Variants in FGF10 observed in about 807,000 individuals in gnomAD.
FGF10 encodes the protein fibroblast growth factor 10, also known as FGF-10.
Under a neutral mutation model 19.8 loss-of-function variants are expected in FGF10, and 2 were observed. The observed-to-expected ratio is 0.10, with a 90% CI of 0.04 to 0.32. The LOEUF (loss-of-function observed/expected upper bound fraction) is 0.32. Among genes scored for constraint, FGF10 ranks in the 10% least tolerant of loss-of-function variants. The pLI is 1.00. For synonymous variants in FGF10, 112 were observed against 94.0 expected (o/e 1.19, Z -1.10); for missense variants, 191 against 246.3 (o/e 0.78, Z 1.50).
chr5:44,318,722 C>T (rs1740413603), intron 1 of FGF10, among the ~76,000 whole-genome samples: 2 of 152,110 alleles, frequency 1.3e-5, no homozygotes, highest in African/African-American at 4.8e-5. Flanking sequence ...CAACTTACTA[C>T]CTAGATTAGA....
rs1739986942 is a variant in FGF10 at position 44,302,383 on chromosome 5, T to G, written c.*2612A>C. Among the ~76,000 whole-genome samples, 1 of 151,288 alleles carries G rather than the reference T, an allele frequency of 6.6e-6. No individual in the cohort carries two copies. The highest frequency in any genetic ancestry group is 2.1e-4 in the South Asian group (1 of 4,788). On this transcript the variant is annotated 3_prime_UTR_variant, in exon 3 of 3. Transcript: ENST00000264664. ...TTTCTCTTTTCTCTCTTTCCTTTCT[T>G]TCTGGCTCTTTTTCACCCAGGCTGG...
At chr5:44,319,433 T>C (rs950782651) in intron 1 of FGF10, among the ~76,000 whole-genome samples, 12 of 152,180 alleles carry the variant, frequency 7.9e-5, no homozygotes, top group African/African-American at 2.9e-4. Flanking sequence ...AATGGGTCAG[T>C]AGAGCACATC....
intron 1 of FGF10, among the ~76,000 whole-genome samples, chr5:44,323,580 TG>T (rs1463105612): frequency 6.6e-6 from 1 of 152,176 alleles, no homozygotes; most frequent in Non-Finnish European, 1.5e-5. Flanking sequence ...TATGCATTAT[TG>T]TTTTTTGTAA....
At chr5:44,316,528 C>A (rs1472418569) in intron 1 of FGF10, among the ~76,000 whole-genome samples, 1 of 152,050 alleles carries the variant, frequency 6.6e-6, no homozygotes, top group African/African-American at 2.4e-5. Flanking sequence ...GGCATATTTC[C>A]AAACAGTGCT....
intron 1 of FGF10, among the ~76,000 whole-genome samples, chr5:44,342,780 T>C (rs951538665): frequency 1.3e-5 from 2 of 151,980 alleles, no homozygotes; most frequent in African/African-American, 2.4e-5. Flanking sequence ...GTCTCCAAAT[T>C]TGGGGATGTC....
intron 1 of FGF10, among the ~76,000 whole-genome samples, chr5:44,329,984 T>C (rs1047211335): frequency 2.0e-4 from 30 of 152,198 alleles, no homozygotes; most frequent in Admixed American, 2.0e-3. Flanking sequence ...GCCACATTAA[T>C]AGCAGTTTCC....
chr5:44,326,805 A>C (rs563794341), intron 1 of FGF10, among the ~76,000 whole-genome samples: 3 of 152,260 alleles, frequency 2.0e-5, no homozygotes, highest in African/African-American at 7.2e-5. Context: ...CAAATTAATA[A>C]ATTTATCTGA....
chr5:44,339,331 A>G (rs1740919025), intron 1 of FGF10, among the ~76,000 whole-genome samples: 2 of 152,188 alleles, frequency 1.3e-5, no homozygotes, highest in Non-Finnish European at 2.9e-5. Flanking sequence ...TACACATATT[A>G]TAATTTAATT....
At chr5:44,339,881 T>G (rs2111784662) in intron 1 of FGF10, among the ~76,000 whole-genome samples, 1 of 152,262 alleles carries the variant, frequency 6.6e-6, no homozygotes, top group Non-Finnish European at 1.5e-5. Flanking sequence ...TCTTATACAT[T>G]GCTTTAAATT....
intron 1 of FGF10, among the ~76,000 whole-genome samples, chr5:44,354,988 C>T (rs935579918): frequency 6.6e-6 from 1 of 151,492 alleles, no homozygotes; most frequent in African/African-American, 2.4e-5. Flanking sequence ...TCTAGCTAGA[C>T]AGTGTTGATG....
At chr5:44,315,685 T>C (rs912107485) in intron 1 of FGF10, among the ~76,000 whole-genome samples, 5 of 152,184 alleles carry the variant, frequency 3.3e-5, no homozygotes, top group African/African-American at 1.2e-4. Context: ...GTTAGCACAA[T>C]GTAAGACACA....
At chr5:44,345,161 T>A (rs1375282216) in intron 1 of FGF10, among the ~76,000 whole-genome samples, 1 of 151,856 alleles carries the variant, frequency 6.6e-6, no homozygotes, top group Non-Finnish European at 1.5e-5. Context: ...AATGACCCCA[T>A]GTGGGAGTCT....
intron 1 of FGF10, among the ~76,000 whole-genome samples, chr5:44,354,894 C>T (rs895740688): frequency 5.3e-5 from 8 of 151,514 alleles, no homozygotes; most frequent in African/African-American, 1.9e-4. Context: ...CTCCCAGATG[C>T]AGCTTCGATC....
intron 1 of FGF10, among the ~76,000 whole-genome samples, chr5:44,381,765 A>G (rs554133971): frequency 1.1e-4 from 16 of 152,340 alleles, no homozygotes; most frequent in Admixed American, 9.8e-4. Flanking sequence ...GAAAAACATT[A>G]AAAATACCTT....
chr5:44,370,558 C>T (rs1046707449), intron 1 of FGF10, among the ~76,000 whole-genome samples: 1 of 151,976 alleles, frequency 6.6e-6, no homozygotes, highest in Non-Finnish European at 1.5e-5. Flanking sequence ...TACTATAGTC[C>T]CAGCACTCAG....
chr5:44,351,020 A>G (rs1741221159), intron 1 of FGF10, among the ~76,000 whole-genome samples: 1 of 151,468 alleles, frequency 6.6e-6, no homozygotes, highest in Non-Finnish European at 1.5e-5. Context: ...ATTAAAATTA[A>G]CCTTCTTGGG....
intron 1 of FGF10, among the ~76,000 whole-genome samples, chr5:44,354,459 G>A (rs1467059469): frequency 6.6e-6 from 1 of 151,494 alleles, no homozygotes; most frequent in Non-Finnish European, 1.5e-5. Context: ...GGACAGTTAT[G>A]TGGGCTTTTT....
chr5:44,360,044 C>T (rs559739565), intron 1 of FGF10, among the ~76,000 whole-genome samples: 1 of 151,616 alleles, frequency 6.6e-6, no homozygotes, highest in African/African-American at 2.4e-5. Context: ...TCATCCCCAT[C>T]CTGACAGCAC....
In FGF10 at chr5:44,300,792, A is replaced by G. The variant is rs1014893984; in HGVS notation, c.*4203T>C. ...ATCTTCACCTTGCCTCTCTGTGGTCATGTCACTGAAGATTGGTCAATCACA... is the reference window on the plus strand; with the variant it reads ...ATCTTCACCTTGCCTCTCTGTGGTCGTGTCACTGAAGATTGGTCAATCACA... On this transcript the variant is annotated 3_prime_UTR_variant, in exon 3 of 3. Coordinates refer to ENST00000264664, the MANE Select transcript of FGF10 (RefSeq NM_004465.2). Among the ~76,000 whole-genome samples, 1 of 151,974 alleles carries G rather than the reference A, an allele frequency of 6.6e-6. No individual in the cohort carries two copies. The highest frequency in any genetic ancestry group is 2.4e-5 in the African/African-American group (1 of 41,378).
Sources: allele counts gnomAD v4.1 joint callset (sites outside exome capture counted in the v4.1 genomes callset), GRCh38; gene constraint gnomAD v4.1.1; transcripts MANE v1.5; gene names NCBI Gene and HGNC (gene_info 2026-07-23, HGNC 2026-07-21).